The following NEU1 variants were observed in gnomAD, a reference collection of about 807,000 sequenced individuals.
The protein encoded by NEU1 is sialidase-1.
NEU1 carries 32 observed loss-of-function variants against 38.3 expected under a neutral mutation model. The ratio of observed to expected loss-of-function variants is 0.84; its 90% confidence interval spans 0.63 to 1.12. The LOEUF is 1.12. Ranked by LOEUF, NEU1 falls within the 50% of genes most tolerant of loss-of-function variation. The probability of loss-of-function intolerance (pLI) is 0.00; values close to 1 mark genes in which losing one functional copy is unlikely to be tolerated. For synonymous variants in NEU1, 192 were observed against 225.2 expected (o/e 0.85, Z 1.32); for missense variants, 431 against 549.2 (o/e 0.78, Z 2.15).
Position 31,860,352 on chromosome 6 carries a change from C to A in NEU1, c.798+87G>T. The stretch of plus-strand genomic sequence containing the variant: ...CAAGGGTGTGTGGCACTGAGTGGAG[C>A]AGTCAGACCCTGGGTCTGTGCGTGA... On this transcript the variant is annotated intron_variant, in intron 4 of 5. Coordinates refer to ENST00000375631, the MANE Select transcript of NEU1 (RefSeq NM_000434.4). The surrounding 1 kb of genome is among the most constrained non-coding windows in gnomAD (Gnocchi z 4.8). 6.2e-7 allele frequency: 1 copy of A among 1,602,984 alleles called. No homozygotes were observed. The highest frequency in any genetic ancestry group is 8.5e-7 in the Non-Finnish European group (1 of 1,170,232).
chr6:31,861,893 C>T, intron 2 of NEU1, 106 bp downstream of exon 2: 1 of 1,306,920 alleles, frequency 7.7e-7, no homozygotes. Context: ...CTCAGGGACT[C>T]AGGCAACCAA....
chr6:31,861,113 A>T, intron 3 of NEU1, 75 bp downstream of exon 3: 1 of 1,600,182 alleles, frequency 6.2e-7, no homozygotes, highest in Non-Finnish European at 8.5e-7. Flanking sequence ...TTCCCCTTGG[A>T]AAGGAGTCCA....
In NEU1 at chr6:31,860,558, C is replaced by A; in HGVS notation, c.679G>T (p.Gly227Ter). Residue 227 changes from glycine to a stop codon, truncating the protein, a stop_gained, in exon 4 of 6, where the codon GGA (glycine) becomes TGA (stop). Coordinates refer to ENST00000375631, the MANE Select transcript of NEU1 (RefSeq NM_000434.4). LOFTEE classifies it high-confidence loss of function. The surrounding 1 kb of genome is among the most constrained non-coding windows in gnomAD (Gnocchi z 4.8). The stretch of plus-strand genomic sequence containing the variant: ...TCATCGCTGAGGAGACAGAAGACTC[C>A]GTCCCGCTCCAGCGTCCCATGGCCA... ...VCGHGTLERD[G>*]VFCLLSDDHG... 6.2e-7 allele frequency: 1 copy of A among 1,614,048 alleles called. No homozygotes were observed. The highest frequency in any genetic ancestry group is 8.5e-7 in the Non-Finnish European group (1 of 1,180,004).
chr6:31,862,570 C>G lies in NEU1; in HGVS notation c.159+48G>C, dbSNP rs772330878. 3.1e-6 allele frequency: 5 copies of G among 1,612,478 alleles called. No individual in the cohort carries two copies. Among genetic ancestry groups the G allele is most frequent in the African/African-American group, 1.3e-5 (1 of 74,886 alleles). On this transcript the variant is annotated intron_variant, in intron 1 of 5. Coordinates refer to ENST00000375631, the MANE Select transcript of NEU1 (RefSeq NM_000434.4). This position sits in a 1 kb window ranked among gnomAD's most constrained non-coding sequence, Gnocchi z 6.3. ...CCGCGTTCCGGGGGACACTAGGTGT[C>G]GATCACCTGCGCGGGTCGGGGATGG... is the stretch of plus-strand genomic sequence containing the variant.
chr6:31,862,472 G>A lies in NEU1; in HGVS notation c.159+146C>T, dbSNP rs191018013. 289 of 1,182,658 alleles carry A rather than the reference G, an allele frequency of 2.4e-4. No homozygotes were observed. The highest frequency in any genetic ancestry group is 1.6e-3 in the Admixed American group (81 of 49,800). The allele number at this position is 1,182,658 out of a possible 1,614,324, so 73.3% of individuals were successfully genotyped here. A position where few individuals can be genotyped will look rare whatever the true frequency, so the allele number is the denominator to read the frequency against. ...GACGGGGACCCGGAGAGGGAGAGGG[G>A]CTGGGAGCGGTAGGAGGAAACGGGG... On this transcript the variant is annotated intron_variant, in intron 1 of 5. Transcript: ENST00000375631. The surrounding 1 kb of genome is among the most constrained non-coding windows in gnomAD (Gnocchi z 6.3).
chr6:31,860,954 G>T lies in NEU1; in HGVS notation c.615+234C>A. The T allele has an allele frequency of 1.6e-6, 1 of 629,170 alleles. No individual in the cohort carries two copies. Among genetic ancestry groups the T allele is most frequent in the Admixed American group, 2.9e-5 (1 of 34,492 alleles). 39.0% of individuals were successfully genotyped at this position (629,170 alleles called of 1,614,324 possible). ...GTGCCTTTTTCTACTTTGCATGAGG[G>T]TATTGCATGGACTAACGCAGTCCTG... On this transcript the variant is annotated intron_variant, in intron 3 of 5. Transcript: ENST00000375631. This position sits in a 1 kb window ranked among gnomAD's most constrained non-coding sequence, Gnocchi z 4.8.
chr6:31,860,647 C>A lies in NEU1; in HGVS notation c.616-26G>T, dbSNP rs772714118. The A allele has an allele frequency of 1.9e-6, 3 of 1,612,418 alleles. No homozygotes were observed. The highest frequency in any genetic ancestry group is 1.7e-6 in the Non-Finnish European group (2 of 1,179,886). Reference sequence around the variant, plus strand: ...CTGTGGGAAAGGGAACTGGGTGTCACAGAAGGAGACTCTAGGGGCTCAGAG... The same window carrying A: ...CTGTGGGAAAGGGAACTGGGTGTCAAAGAAGGAGACTCTAGGGGCTCAGAG... On this transcript the variant is annotated intron_variant, in intron 3 of 5. Transcript: ENST00000375631. The surrounding 1 kb of genome is among the most constrained non-coding windows in gnomAD (Gnocchi z 4.8).
In NEU1 at chr6:31,862,253, C is replaced by T. The variant is rs547606005; in HGVS notation, c.160-62G>A. ...TTGTCTTGGGGGTTTTAGGAACCCA[C>T]GTTCCGATGGGAGAGGGAGGATCTA... On this transcript the variant is annotated intron_variant, in intron 1 of 5. Transcript: ENST00000375631. The surrounding 1 kb of genome is among the most constrained non-coding windows in gnomAD (Gnocchi z 6.3). 2,328 of 1,566,662 alleles carry T rather than the reference C, an allele frequency of 1.5e-3. 3 individuals are homozygous for T. The highest frequency in any genetic ancestry group is 1.8e-3 in the Non-Finnish European group (2,114 of 1,144,022).
At position 31,862,738 on chromosome 6, in the gene NEU1, T is replaced by C; in HGVS notation, c.39A>G (p.Arg13=). Residue 13 remains arginine (R), a synonymous_variant, in exon 1 of 6, where the codon AGA becomes AGG. Transcript: ENST00000375631. The surrounding 1 kb of genome is among the most constrained non-coding windows in gnomAD (Gnocchi z 6.3). ...GERPSTALPD[R]RWGPRILGFW... is the part of the protein sequence containing the mutation. The stretch of plus-strand genomic sequence containing the variant: ...AGCCCAGAATCCGCGGCCCCCAGCG[T>C]CTGTCCGGGAGCGCCGTGCTGGGTC... The C allele has an allele frequency of 6.2e-7, 1 of 1,612,914 alleles. No homozygotes were observed. Among genetic ancestry groups the C allele is most frequent in the Non-Finnish European group, 8.5e-7 (1 of 1,179,986 alleles).
chr6:31,859,906 G>C lies in NEU1; in HGVS notation c.1061C>G (p.Thr354Ser). Reference protein sequence around the residue: ...LTLRWSFSNGTSWRKETVQLW... With the variant: ...LTLRWSFSNGSSWRKETVQLW... ...CTGGACTGTCTCTTTCCGCCATGAG[G>C]TACCATTGCTGAAGCTCCATCGCAG... Residue 354 changes from threonine to serine, a missense_variant, in exon 6 of 6, where the codon ACC (threonine) becomes AGC (serine). Physicochemically the swap from Thr to Ser is moderately conservative, Grantham distance 58. Coordinates refer to ENST00000375631, the MANE Select transcript of NEU1 (RefSeq NM_000434.4). 1 of 1,613,046 alleles carries C rather than the reference G, an allele frequency of 6.2e-7. No individual in the cohort carries two copies. Among genetic ancestry groups the C allele is most frequent in the East Asian group, 2.2e-5 (1 of 44,884 alleles).
rs796434358 is a variant in NEU1, at chr6:31,861,587, T to C, written c.353-137A>G. 4.1e-6 allele frequency: 4 copies of C among 980,468 alleles called. No homozygotes were observed. The African/African-American group carries it at 6.5e-5, about 16-fold the overall frequency. 60.7% of individuals were successfully genotyped at this position (980,468 alleles called of 1,614,324 possible). On this transcript the variant is annotated intron_variant, in intron 2 of 5. Coordinates refer to ENST00000375631, the MANE Select transcript of NEU1 (RefSeq NM_000434.4). ...CCAGGGTGCAATCCAACACTTGCAC[T>C]ATCTATACCTCTTGTCCTGTTTTAT... is the stretch of plus-strand genomic sequence containing the variant.
rs1762552759 is a variant in NEU1 at position 31,862,294 on chromosome 6, A to AG, written c.160-104dup. The AG allele has an allele frequency of 8.8e-6, 11 of 1,255,686 alleles. No individual in the cohort carries two copies. Among genetic ancestry groups the AG allele is most frequent in the Non-Finnish European group, 1.1e-5 (10 of 875,668 alleles). 77.8% of individuals were successfully genotyped at this position (1,255,686 alleles called of 1,614,324 possible). A position where few individuals can be genotyped will look rare whatever the true frequency, so the allele number is the denominator to read the frequency against. On this transcript the variant is annotated intron_variant, in intron 1 of 5. Coordinates refer to ENST00000375631, the MANE Select transcript of NEU1 (RefSeq NM_000434.4). This position sits in a 1 kb window ranked among gnomAD's most constrained non-coding sequence, Gnocchi z 6.3. ...GGAGGATCTAATGGGGATCCCGAGT[A>AG]GGGGATGGGGTCCCAGAACAAGAAA... is the stretch of plus-strand genomic sequence containing the variant.
Position 31,859,917 on chromosome 6 carries a change from G to T in NEU1, c.1050C>A (p.Phe350Leu). ...CTTTCCGCCATGAGGTACCATTGCT[G>T]AAGCTCCATCGCAGGGTCAGGTTCA... Reference protein sequence around the residue: ...FRVNLTLRWSFSNGTSWRKET... With the variant: ...FRVNLTLRWSLSNGTSWRKET... The change falls in exon 6 of 6, where the codon TTC (phenylalanine) becomes TTA (leucine). Residue 350 changes from phenylalanine (F) to leucine (L), a missense_variant. Transcript: ENST00000375631. 1 of 1,613,084 alleles carries T rather than the reference G, an allele frequency of 6.2e-7. No homozygotes were observed.
In NEU1 at chr6:31,860,014, C is replaced by T. The variant is rs1428856740; in HGVS notation, c.1021+28G>A. ...GCCTTGTCTAGACACAGGGCTCTCCCTGCTGACCCCACCCATGAGGCACTC... is the reference window on the plus strand; with the variant it reads ...GCCTTGTCTAGACACAGGGCTCTCCTTGCTGACCCCACCCATGAGGCACTC... On this transcript the variant is annotated intron_variant, in intron 5 of 5. Transcript: ENST00000375631. This position sits in a 1 kb window ranked among gnomAD's most constrained non-coding sequence, Gnocchi z 4.8. 6.2e-7 allele frequency: 1 copy of T among 1,612,874 alleles called. No homozygotes were observed. Among genetic ancestry groups the T allele is most frequent in the South Asian group, 1.1e-5 (1 of 91,082 alleles).
rs114639005 is a variant in NEU1, at chr6:31,860,136, G to A, written c.927C>T (p.Phe309=). Residue 309 remains phenylalanine (F), a synonymous_variant, in exon 5 of 6, where the codon TTC becomes TTT. Coordinates refer to ENST00000375631, the MANE Select transcript of NEU1 (RefSeq NM_000434.4). This position sits in a 1 kb window ranked among gnomAD's most constrained non-coding sequence, Gnocchi z 4.8. ...CDTLRPRDVT[F]DPELVDPVVA... ...CCACAGGGTCCACGAGCTCAGGGTC[G>A]AAGGTCACATCACGGGGCCTTAGTG... 9 of 1,613,026 alleles carry A rather than the reference G, an allele frequency of 5.6e-6. No individual in the cohort carries two copies. Among genetic ancestry groups the A allele is most frequent in the South Asian group, 3.3e-5 (3 of 91,086 alleles).
rs746273151 is a variant in NEU1, at chr6:31,861,444, G to C, written c.359C>G (p.Thr120Arg). ...ALRRSMDQGS[T>R]WSPTAFIVND... Reference sequence around the variant, plus strand: ...GACAATGAACGCTGTAGGAGACCATGTGCTGCCTGAAAAAAATTGGAGGAA... The same window carrying C: ...GACAATGAACGCTGTAGGAGACCATCTGCTGCCTGAAAAAAATTGGAGGAA... Residue 120 changes from threonine (T) to arginine (R), a missense_variant, in exon 3 of 6, where the codon ACA becomes AGA. Thr to Arg is a moderately conservative substitution (Grantham distance 71). Transcript: ENST00000375631. 6.2e-7 allele frequency: 1 copy of C among 1,612,852 alleles called. No homozygotes were observed. The highest frequency in any genetic ancestry group is 8.5e-7 in the Non-Finnish European group (1 of 1,180,032).
rs902975710 is a variant in NEU1, at chr6:31,859,825, T to A, written c.1142A>T (p.Asp381Val). ...SSLATLEGSMDGEEQAPQLYV... is the reference protein window; with the variant it reads ...SSLATLEGSMVGEEQAPQLYV... ...GAGCTGGGGGGCCTGCTCCTCTCCA[T>A]CCATGCTGCCCTCCAGGGTTGCCAG... is the stretch of plus-strand genomic sequence containing the variant. Residue 381 changes from aspartate to valine, a missense_variant, in exon 6 of 6, where the codon GAT (aspartate) becomes GTT (valine). Physicochemically the swap from Asp to Val is radical, Grantham distance 152. Coordinates refer to ENST00000375631, the MANE Select transcript of NEU1 (RefSeq NM_000434.4). The A allele has an allele frequency of 1.2e-6, 2 of 1,613,044 alleles. No homozygotes were observed. The highest frequency in any genetic ancestry group is 1.7e-6 in the Non-Finnish European group (2 of 1,180,022).
In NEU1 at chr6:31,859,005, G is replaced by C. The variant is rs1762398252; in HGVS notation, c.*714C>G. The stretch of plus-strand genomic sequence containing the variant: ...CAACTGCACTCCAGCCTGGGTGACA[G>C]AGCGAGCCCTGTCTCAAAAAAAGCA... On this transcript the variant is annotated 3_prime_UTR_variant, in exon 6 of 6. Coordinates refer to ENST00000375631, the MANE Select transcript of NEU1 (RefSeq NM_000434.4). The C allele has an allele frequency of 6.4e-6, 1 of 157,050 alleles. No homozygotes were observed. The highest frequency in any genetic ancestry group is 2.4e-5 in the African/African-American group (1 of 41,434). 9.7% of individuals were successfully genotyped at this position (157,050 alleles called of 1,614,324 possible). A position where few individuals can be genotyped will look rare whatever the true frequency, so the allele number is the denominator to read the frequency against.
At position 31,862,552 on chromosome 6, in the gene NEU1, C is replaced by T; in HGVS notation, c.159+66G>A. 1 of 1,609,830 alleles carries T rather than the reference C, an allele frequency of 6.2e-7. No homozygotes were observed. Among genetic ancestry groups the T allele is most frequent in the East Asian group, 2.2e-5 (1 of 44,806 alleles). ...GAAAGTCGGCTCAGCCGCCCGCGTTCCGGGGGACACTAGGTGTCGATCACC... is the reference window on the plus strand; with the variant it reads ...GAAAGTCGGCTCAGCCGCCCGCGTTTCGGGGGACACTAGGTGTCGATCACC... On this transcript the variant is annotated intron_variant, in intron 1 of 5. Coordinates refer to ENST00000375631, the MANE Select transcript of NEU1 (RefSeq NM_000434.4). This position sits in a 1 kb window ranked among gnomAD's most constrained non-coding sequence, Gnocchi z 6.3.
Sources: allele counts gnomAD v4.1 joint callset, GRCh38; gene constraint gnomAD v4.1.1; non-coding constraint Gnocchi (gnomAD v3.1); transcripts MANE v1.5; gene names NCBI Gene and HGNC (gene_info 2026-07-23, HGNC 2026-07-21).